The following NEBL variants were observed in gnomAD, a reference collection of about 807,000 sequenced individuals.
NEBL encodes the protein nebulette.
A neutral mutation model predicts 140.2 loss-of-function variants in NEBL; 122 were observed. The observed-to-expected ratio is 0.87, with a 90% CI of 0.75 to 1.01. The LOEUF is 1.01. Ranked by LOEUF, NEBL falls within the 50% of genes least tolerant of loss-of-function variation. NEBL has a pLI of 0.00. For synonymous variants in NEBL, 436 were observed against 398.9 expected, an observed-to-expected ratio of 1.09 and a Z score of -1.11; for missense variants, 1,365 against 1,231.3, an observed-to-expected ratio of 1.11 and a Z score of -1.62.
intron 26 of NEBL, among the ~76,000 whole-genome samples, chr10:20,808,282 C>A (rs1459404544): frequency 2.0e-5 from 3 of 150,218 alleles, no homozygotes; most frequent in Non-Finnish European, 4.4e-5. Flanking sequence ...TCCATTGCTG[C>A]GATAATAGTG....
At chr10:20,868,789 G>T (rs1844600108) in intron 6 of NEBL, 24 bp from the exon 7 acceptor site, 3 of 1,476,046 alleles carry the variant, frequency 2.0e-6, no homozygotes, top group South Asian at 1.1e-5. Context: ...ATAAGACAAT[G>T]TTAAATATTT....
intron 2 of NEBL, among the ~76,000 whole-genome samples, chr10:21,116,297 G>A (rs1564516709): frequency 6.6e-6 from 1 of 152,080 alleles, no homozygotes; most frequent in Admixed American, 6.6e-5. Context: ...TTCCTGGTGA[G>A]AGCCCTCTTT....
At position 21,279,270 on chromosome 10, in the gene NEBL, C is replaced by A. The variant is rs1210809182; in HGVS notation, n.182+13560G>T. Among the ~76,000 whole-genome samples, 9 of 149,036 alleles carry A rather than the reference C, an allele frequency of 6.0e-5. No individual in the cohort carries two copies. In the South Asian group the frequency reaches 1.1e-3, roughly 18 times the overall value. Reference sequence around the variant, plus strand: ...TAATGTTCACATGTCACAAAAATAGCCATCTTTTTATTTTTTCAATTTTTT... The same window carrying A: ...TAATGTTCACATGTCACAAAAATAGACATCTTTTTATTTTTTCAATTTTTT... On this transcript the variant is annotated intron_variant and non_coding_transcript_variant, in intron 1 of 8. Transcript: ENST00000675702.
chr10:21,166,893 C>T (rs1840802166), intron 2 of NEBL, among the ~76,000 whole-genome samples: 1 of 152,218 alleles, frequency 6.6e-6, no homozygotes, highest in Non-Finnish European at 1.5e-5. Context: ...GAACCAAATT[C>T]AGGAGGCCCA....
At chr10:20,914,408 TC>T (rs1408130127) in intron 4 of NEBL, among the ~76,000 whole-genome samples, 1 of 152,208 alleles carries the variant, frequency 6.6e-6, no homozygotes, top group Non-Finnish European at 1.5e-5. Context: ...GCAAAGGTTT[TC>T]TATGAGATTA....
intron 2 of NEBL, among the ~76,000 whole-genome samples, chr10:21,096,554 C>A (rs1837196782): frequency 6.6e-6 from 1 of 151,648 alleles, no homozygotes; most frequent in South Asian, 2.1e-4. Context: ...CAGTCTGTCA[C>A]CCATGCTGGA....
intron 4 of NEBL, among the ~76,000 whole-genome samples, chr10:20,923,868 C>A (rs1203577119): frequency 1.3e-5 from 2 of 151,752 alleles, no homozygotes; most frequent in Non-Finnish European, 2.9e-5. Flanking sequence ...AGGAACCCAG[C>A]AGGAATAAAA....
intron 12 of NEBL, among the ~76,000 whole-genome samples, chr10:20,844,111 A>G (rs1190499147): frequency 2.0e-5 from 3 of 152,128 alleles, no homozygotes; most frequent in Admixed American, 6.6e-5. Context: ...TAGAAATTAC[A>G]TGTCTATTTC....
intron 2 of NEBL, among the ~76,000 whole-genome samples, chr10:20,894,228 G>A (rs1268634841): frequency 1.3e-5 from 2 of 152,186 alleles, no homozygotes; most frequent in Non-Finnish European, 2.9e-5. Context: ...CCAGCACTCT[G>A]GGAGAACGAT....
At chr10:20,926,967 A>G (rs576612887) in intron 4 of NEBL, among the ~76,000 whole-genome samples, 1 of 152,314 alleles carries the variant, frequency 6.6e-6, no homozygotes, top group East Asian at 1.9e-4. Flanking sequence ...ATGAGTGGGG[A>G]GGAAAAATCA....
intron 2 of NEBL, among the ~76,000 whole-genome samples, chr10:21,085,755 T>C (rs1000705458): frequency 2.0e-5 from 3 of 152,224 alleles, no homozygotes; most frequent in African/African-American, 4.8e-5. Flanking sequence ...AGTAAAGTTT[T>C]GTTCTAATAT....
At position 21,080,858 on chromosome 10, in the gene NEBL, T is replaced by C. The variant is rs554265068; in HGVS notation, c.165-60657A>G. On this transcript the variant is annotated intron_variant, in intron 2 of 6. Coordinates refer to the NEBL transcript ENST00000417816. ...AATGTGATCTGGTTTTTTTGTTTGTTTGTTTTTTGTTTTTTGAGATGGAGT... is the reference window on the plus strand; with the variant it reads ...AATGTGATCTGGTTTTTTTGTTTGTCTGTTTTTTGTTTTTTGAGATGGAGT... Among the ~76,000 whole-genome samples the C allele has an allele frequency of 3.3e-5, 5 of 152,258 alleles. No homozygotes were observed. In the South Asian group the frequency reaches 1.0e-3, roughly 32 times the overall value.
intron 2 of NEBL, among the ~76,000 whole-genome samples, chr10:21,054,466 C>G (rs565151040): frequency 6.6e-6 from 1 of 152,304 alleles, no homozygotes; most frequent in African/African-American, 2.4e-5. Flanking sequence ...TGCACTTAAG[C>G]AGCTGTACTG....
chr10:20,957,333 A>G (rs1411520892), intron 4 of NEBL, among the ~76,000 whole-genome samples: 1 of 152,188 alleles, frequency 6.6e-6, no homozygotes, highest in Non-Finnish European at 1.5e-5. Context: ...AGCTAAAAAT[A>G]ATTATATTAC....
chr10:20,831,006 C>CATTG (rs1270629452), intron 16 of NEBL, 190 bp downstream of exon 16: 8 of 578,266 alleles, frequency 1.4e-5, no homozygotes, highest in Non-Finnish European at 1.9e-5. Flanking sequence ...ATGTCTGTTG[C>CATTG]ATTGAATCTA....
intron 2 of NEBL, among the ~76,000 whole-genome samples, chr10:21,065,708 C>T (rs1338392387): frequency 6.6e-6 from 1 of 152,150 alleles, no homozygotes; most frequent in African/African-American, 2.4e-5. Flanking sequence ...CGGCAGCTGC[C>T]ACTCTATATT....
chr10:21,013,711 C>T (rs961369563), intron 3 of NEBL, among the ~76,000 whole-genome samples: 2 of 152,160 alleles, frequency 1.3e-5, no homozygotes, highest in African/African-American at 2.4e-5. Flanking sequence ...ATCCCCATCT[C>T]TACTAAAAAT....
At chr10:20,935,505 G>C (rs1056437084) in intron 4 of NEBL, among the ~76,000 whole-genome samples, 4 of 152,098 alleles carry the variant, frequency 2.6e-5, no homozygotes, top group African/African-American at 9.7e-5. Context: ...TAAAATATTT[G>C]CATCGCCTGG....
chr10:21,283,342 C>T (rs1369790572), intron 1 of NEBL, among the ~76,000 whole-genome samples: 1 of 152,160 alleles, frequency 6.6e-6, no homozygotes, highest in Non-Finnish European at 1.5e-5. Context: ...GCTTGTTTAG[C>T]ATATCATCAA....
Sources: allele counts gnomAD v4.1 joint callset (sites outside exome capture counted in the v4.1 genomes callset), GRCh38; gene constraint gnomAD v4.1.1; transcripts MANE v1.5; gene names NCBI Gene and HGNC (gene_info 2026-07-23, HGNC 2026-07-21).